JAKMIP3: variants seen among roughly 807,000 people sequenced by gnomAD.
JAKMIP3 encodes the protein Janus kinase and microtubule interacting protein 3.
Under a neutral mutation model 118.5 loss-of-function variants are expected in JAKMIP3, and 58 were observed. That is an observed-to-expected ratio of 0.49 (90% CI 0.40 to 0.61). The LOEUF is 0.61. Among genes scored for constraint, JAKMIP3 ranks in the 20% least tolerant of loss-of-function variants. JAKMIP3 has a pLI of 0.00. For synonymous variants in JAKMIP3, 486 were observed against 451.2 expected, an observed-to-expected ratio of 1.08 and a Z score of -0.98; for missense variants, 950 against 1,109.0, an observed-to-expected ratio of 0.86 and a Z score of 2.04.
intron 2 of JAKMIP3, among the ~76,000 whole-genome samples, chr10:132,109,960 G>A (rs78159143): frequency 0.02 from 3,021 of 152,304 alleles, 97 homozygotes; most frequent in African/African-American, 0.069. Flanking sequence ...TACTGTGTCC[G>A]TGCCAAAAGT....
chr10:132,138,511 T>A (rs1281368840), intron 9 of JAKMIP3, among the ~76,000 whole-genome samples: 2 of 152,220 alleles, frequency 1.3e-5, no homozygotes, highest in Non-Finnish European at 2.9e-5. Flanking sequence ...TGCTGGCGTG[T>A]GCTTAGTAGG....
chr10:132,120,667 C>T (rs1452319472), intron 3 of JAKMIP3, among the ~76,000 whole-genome samples: 1 of 152,224 alleles, frequency 6.6e-6, no homozygotes, highest in Non-Finnish European at 1.5e-5. Context: ...GGTGATGGAG[C>T]TTCTGGTGGC....
At position 132,138,122 on chromosome 10, in the gene JAKMIP3, C is replaced by T. The variant is rs756523934; in HGVS notation, c.1288C>T (p.Arg430Trp). 13 of 1,611,480 alleles carry T rather than the reference C, an allele frequency of 8.1e-6. No homozygotes were observed. The highest frequency in any genetic ancestry group is 1.7e-5 in the Admixed American group (1 of 59,788). The change falls in exon 9 of 24, where the codon CGG becomes TGG. Residue 430 changes from arginine to tryptophan, a missense_variant. Physicochemically the swap from Arg to Trp is moderately radical, Grantham distance 101. Transcript: ENST00000684848. The stretch of plus-strand genomic sequence containing the variant: ...CCTCTTCAACTGGCTTCCGCAGGAG[C>T]GGGACAAGCTGTTAAGATTCCGGAA... ...TAGYVKSVLE[R>W]DKLLRFRKQR...
At chr10:132,058,469 C>T (rs2038306133) in intron 1 of JAKMIP3, among the ~76,000 whole-genome samples, 1 of 152,244 alleles carries the variant, frequency 6.6e-6, no homozygotes, top group Non-Finnish European at 1.5e-5. Context: ...AGCCTGTCCT[C>T]CCCACAACCT....
At chr10:132,061,572 G>T (rs981643100), upstream of JAKMIP3, among the ~76,000 whole-genome samples, 1 of 152,166 alleles carries the variant, frequency 6.6e-6, no homozygotes, top group Admixed American at 6.5e-5. Context: ...ATCACTAGAG[G>T]CACGTTGGGG....
intron 1 of JAKMIP3, among the ~76,000 whole-genome samples, chr10:132,104,376 C>T (rs546087855): frequency 1.4e-4 from 22 of 152,334 alleles, no homozygotes; most frequent in Middle Eastern, 3.4e-3. Context: ...TGGGTGCCCA[C>T]TCCCTCACTC....
intron 23 of JAKMIP3, among the ~76,000 whole-genome samples, chr10:132,180,554 C>CGTGTGT (rs1565018276): frequency 6.9e-4 from 3 of 4,332 alleles, no homozygotes; most frequent in Non-Finnish European, 5.5e-4. Context: ...TGCGTGCGTG[C>CGTGTGT]ATGCGTGTGT....
chr10:132,068,557 C>A (rs895932732), intron 1 of JAKMIP3, among the ~76,000 whole-genome samples: 4 of 152,182 alleles, frequency 2.6e-5, no homozygotes, highest in African/African-American at 9.7e-5. Context: ...GGTCTGGCAC[C>A]CCAAGCTGGG....
At chr10:132,059,254 C>T (rs887895707) in intron 1 of JAKMIP3, among the ~76,000 whole-genome samples, 4 of 152,200 alleles carry the variant, frequency 2.6e-5, no homozygotes, top group African/African-American at 9.7e-5. Context: ...GTGCCATGTC[C>T]GCCATGGGGC....
At chr10:132,166,914 C>G in intron 21 of JAKMIP3, 69 bp from the exon 22 acceptor site, 1 of 1,118,540 alleles carries the variant, frequency 8.9e-7, no homozygotes, top group Non-Finnish European at 1.3e-6. Flanking sequence ...TATTTCTTGC[C>G]AGAAGCACTA....
intron 17 of JAKMIP3, among the ~76,000 whole-genome samples, chr10:132,153,476 G>A (rs2056588883): frequency 6.6e-6 from 1 of 152,172 alleles, no homozygotes; most frequent in South Asian, 2.1e-4. Flanking sequence ...CGCCTGTCCT[G>A]GCAGAGCTCT....
intron 1 of JAKMIP3, among the ~76,000 whole-genome samples, chr10:132,042,731 G>A (rs1270996689): frequency 2.6e-5 from 4 of 152,142 alleles, no homozygotes; most frequent in Non-Finnish European, 5.9e-5. Context: ...AGAGCTCTCT[G>A]CCATTGTAAC....
chr10:132,100,158 T>A (rs938109515), intron 1 of JAKMIP3, among the ~76,000 whole-genome samples: 1 of 130,856 alleles, frequency 7.6e-6, no homozygotes, highest in Admixed American at 7.5e-5. Flanking sequence ...TGTGCTGCCC[T>A]CACAGGCCCC....
intron 3 of JAKMIP3, among the ~76,000 whole-genome samples, chr10:132,132,545 C>T (rs1319387648): frequency 1.4e-5 from 2 of 141,342 alleles, no homozygotes; most frequent in African/African-American, 5.0e-5. Flanking sequence ...CAAAGCGCCA[C>T]GTTGTAGGGA....
rs1195743202 is a variant in JAKMIP3, at chr10:132,180,574, T to TGC, written c.*1104-1782_*1104-1781insCG. Among the ~76,000 whole-genome samples, 34 of 42,706 alleles carry TGC rather than the reference T, an allele frequency of 8.0e-4. 5 individuals are homozygous for TGC. The highest frequency in any genetic ancestry group is 3.3e-3 in the African/African-American group (28 of 8,610). 28.0% of individuals were successfully genotyped at this position (42,706 alleles called of 152,430 possible). On this transcript the variant is annotated intron_variant, in intron 23 of 23. Coordinates refer to ENST00000684848, the MANE Select transcript of JAKMIP3 (RefSeq NM_001323087.2). ...GCGTGCATGCGTGTGTGTGCGTGTG[T>TGC]GTGTGCGTGCGCGTGTGTGTGTGCG...
chr10:132,111,432 G>A (rs1222175596), intron 2 of JAKMIP3, among the ~76,000 whole-genome samples: 1 of 152,154 alleles, frequency 6.6e-6, no homozygotes, highest in Admixed American at 6.5e-5. Context: ...GGGGTGAATG[G>A]GCATGGGTGT....
intron 13 of JAKMIP3, among the ~76,000 whole-genome samples, chr10:132,146,642 A>G (rs535143683): frequency 6.6e-6 from 1 of 152,300 alleles, no homozygotes; most frequent in East Asian, 1.9e-4. Flanking sequence ...AGCCTGGCTG[A>G]TGAGTCTGAT....
At chr10:132,166,113 C>T (rs2058875188) in intron 21 of JAKMIP3, among the ~76,000 whole-genome samples, 1 of 152,154 alleles carries the variant, frequency 6.6e-6, no homozygotes, top group African/African-American at 2.4e-5. Flanking sequence ...CGCTTGAGCC[C>T]AGGATTTCAA....
At chr10:132,104,024 A>G (rs746493884) in intron 1 of JAKMIP3, among the ~76,000 whole-genome samples, 3 of 152,174 alleles carry the variant, frequency 2.0e-5, no homozygotes, top group Admixed American at 1.3e-4. Context: ...TAATGTCTTC[A>G]GGGATCCTCC....
Sources: allele counts gnomAD v4.1 joint callset (sites outside exome capture counted in the v4.1 genomes callset), GRCh38; gene constraint gnomAD v4.1.1; transcripts MANE v1.5; gene names NCBI Gene and HGNC (gene_info 2026-07-23, HGNC 2026-07-21).